Variants in WNK4 observed in about 807,000 individuals in gnomAD.
The protein encoded by WNK4 is WNK lysine deficient protein kinase 4, also known as serine/threonine-protein kinase WNK4.
Under a neutral mutation model 116.2 loss-of-function variants are expected in WNK4, and 94 were observed. That is an observed-to-expected ratio of 0.81 (90% CI 0.68 to 0.96). The LOEUF (loss-of-function observed/expected upper bound fraction) is 0.96. Ranked by LOEUF, WNK4 falls within the 40% of genes least tolerant of loss-of-function variation. The pLI is 0.00. For synonymous variants in WNK4, 655 were observed against 672.7 expected (o/e 0.97, Z 0.41); for missense variants, 1,542 against 1,650.6 (o/e 0.93, Z 1.14).
chr17:42,785,572 T>G (rs1597896888), intron 6 of WNK4, 90 bp downstream of exon 6: 5 of 1,381,876 alleles, frequency 3.6e-6, no homozygotes, highest in Non-Finnish European at 5.0e-6. Context: ...GCAGGAGGGG[T>G]GGCAGCGATG....
In WNK4 at chr17:42,782,264, G is replaced by C. The variant is rs2054492393; in HGVS notation, c.619-494G>C. On this transcript the variant is annotated intron_variant, in intron 1 of 18. Transcript: ENST00000246914. The surrounding 1 kb of genome is among the most constrained non-coding windows in gnomAD (Gnocchi z 4.2). ...GGGGTGGGCAGCCTCCTGGCGCCTA[G>C]TCCTGGATCTTTTCTTTCCTTCTCA... 1.3e-5 allele frequency among the ~76,000 whole-genome samples: 2 copies of C among 152,338 alleles called. No individual in the cohort carries two copies. Among genetic ancestry groups the C allele is most frequent in the Non-Finnish European group, 2.9e-5 (2 of 68,020 alleles).
At chr17:42,788,464 A>G in intron 10 of WNK4, 57 bp downstream of exon 10, 1 of 1,565,876 alleles carries the variant, frequency 6.4e-7, no homozygotes, top group African/African-American at 1.4e-5. Context: ...GGGAAGTGTC[A>G]GGGGGAGGCG....
chr17:42,784,190 T>A lies in WNK4; in HGVS notation c.1012+33T>A, dbSNP rs775070496. 1 of 1,602,478 alleles carries A rather than the reference T, an allele frequency of 6.2e-7. No individual in the cohort carries two copies. The highest frequency in any genetic ancestry group is 1.1e-5 in the South Asian group (1 of 91,064). ...TCTCCAGGAGGGTCCATGCCATTCCTTCCTCCCCCACCTCAGAAGAGAACC... is the reference window on the plus strand; with the variant it reads ...TCTCCAGGAGGGTCCATGCCATTCCATCCTCCCCCACCTCAGAAGAGAACC... On this transcript the variant is annotated intron_variant, in intron 3 of 18. Transcript: ENST00000246914. The surrounding 1 kb of genome is among the most constrained non-coding windows in gnomAD (Gnocchi z 4.4).
chr17:42,795,053 C>T lies in WNK4; in HGVS notation c.2632C>T (p.Gln878Ter). The change falls in exon 14 of 19, where the codon CAG becomes TAG. Residue 878 changes from glutamine to a stop codon, truncating the protein, a stop_gained. Transcript: ENST00000246914. LOFTEE classifies it high-confidence loss of function. ...ACCCGAGTTTCCGGTCCCACTCTCTCAGTGTCCCTGGAGTTCTCTCCCCAC... is the reference window on the plus strand; with the variant it reads ...ACCCGAGTTTCCGGTCCCACTCTCTTAGTGTCCCTGGAGTTCTCTCCCCAC... ...STPEFPVPLS[Q>*]CPWSSLPTTS... is the part of the protein sequence containing the mutation. 1.9e-6 allele frequency: 3 copies of T among 1,614,020 alleles called. No homozygotes were observed. Among genetic ancestry groups the T allele is most frequent in the Non-Finnish European group, 2.5e-6 (3 of 1,179,996 alleles).
In WNK4 at chr17:42,787,525, G is replaced by C; in HGVS notation, c.1724G>C (p.Ser575Thr). ...QHQPFLFRHA[S>T]YSSTTSDCET... is the part of the protein sequence containing the mutation. ...CAGCCCTTCCTTTTCCGCCACGCCAGCTACTCATCTACCACTTGTAAGTCA... is the reference window on the plus strand; with the variant it reads ...CAGCCCTTCCTTTTCCGCCACGCCACCTACTCATCTACCACTTGTAAGTCA... Residue 575 changes from serine (S) to threonine (T), a missense_variant, in exon 7 of 19, where the codon AGC becomes ACC. By Grantham distance (58) the Ser-to-Thr change is moderately conservative. Around this residue, in one of 7 missense-constraint regions of WNK4, gnomAD observed 808 missense variants for 873.6 expected, o/e 0.92. Coordinates refer to ENST00000246914, the MANE Select transcript of WNK4 (RefSeq NM_032387.5). The C allele has an allele frequency of 6.2e-7, 1 of 1,612,224 alleles. No individual in the cohort carries two copies. The highest frequency in any genetic ancestry group is 8.5e-7 in the Non-Finnish European group (1 of 1,179,866).
At position 42,793,622 on chromosome 17, in the gene WNK4, C is replaced by A; in HGVS notation, c.2188C>A (p.Arg730=). Residue 730 remains arginine, a synonymous_variant, in exon 12 of 19, where the codon CGA becomes AGA. Coordinates refer to ENST00000246914, the MANE Select transcript of WNK4 (RefSeq NM_032387.5). The part of the protein sequence containing the change: ...VYNEFILPSE[R]DGFLRRIREI... ...TAACGAGTTCATTCTGCCTTCGGAG[C>A]GAGATGGATTTCTCAGACGGATTCG... 1.2e-6 allele frequency: 2 copies of A among 1,614,018 alleles called. No individual in the cohort carries two copies. Among genetic ancestry groups the A allele is most frequent in the Non-Finnish European group, 8.5e-7 (1 of 1,179,994 alleles).
At position 42,795,850 on chromosome 17, in the gene WNK4, G is replaced by T. The variant is rs1419248917; in HGVS notation, c.3248G>T (p.Gly1083Val). 1.2e-6 allele frequency: 2 copies of T among 1,613,658 alleles called. No homozygotes were observed. The highest frequency in any genetic ancestry group is 2.2e-5 in the South Asian group (2 of 91,080). Residue 1083 changes from glycine (G) to valine (V), a missense_variant, in exon 16 of 19, where the codon GGA (glycine) becomes GTA (valine). Gly to Val is a moderately radical substitution (Grantham distance 109). Around this residue, in one of 7 missense-constraint regions of WNK4, gnomAD observed 292 missense variants for 290.1 expected, o/e 1.01. Transcript: ENST00000246914. ...SDRAAEGLGA[G>V]VEEEGDDGKE... Reference sequence around the variant, plus strand: ...CGTGCAGCTGAGGGTCTGGGGGCTGGAGTTGAGGAGGAAGGAGATGATGGG... The same window carrying T: ...CGTGCAGCTGAGGGTCTGGGGGCTGTAGTTGAGGAGGAAGGAGATGATGGG...
In WNK4 at chr17:42,783,986, A is replaced by G; in HGVS notation, c.841A>G (p.Ser281Gly). Reference sequence around the variant, plus strand: ...GAAGCCGCGGGTCCTTCAGCGCTGGAGCCGCCAAATCCTGCGGGGACTTCA... The same window carrying G: ...GAAGCCGCGGGTCCTTCAGCGCTGGGGCCGCCAAATCCTGCGGGGACTTCA... ...EMKPRVLQRW[S>G]RQILRGLHFL... The change falls in exon 3 of 19, where the codon AGC (serine) becomes GGC (glycine). Residue 281 changes from serine (S) to glycine (G), a missense_variant. Ser to Gly is a moderately conservative substitution (Grantham distance 56). Around this residue, in one of 7 missense-constraint regions of WNK4, gnomAD observed 808 missense variants for 873.6 expected, o/e 0.92. Transcript: ENST00000246914. The G allele has an allele frequency of 6.2e-7, 1 of 1,613,968 alleles. No individual in the cohort carries two copies. Among genetic ancestry groups the G allele is most frequent in the Non-Finnish European group, 8.5e-7 (1 of 1,180,008 alleles).
At position 42,781,187 on chromosome 17, in the gene WNK4, G is replaced by A; in HGVS notation, c.489G>A (p.Gln163=). The change falls in exon 1 of 19, where the codon CAG becomes CAA. Residue 163 remains glutamine, a synonymous_variant. Transcript: ENST00000246914. The stretch of plus-strand genomic sequence containing the variant: ...AAGAAAAGGAGGACATGGAGACCCA[G>A]GCTGTGGCAACGTCCCCCGATGGCC... ...EQEEKEDMET[Q]AVATSPDGRY... 6.2e-7 allele frequency: 1 copy of A among 1,614,202 alleles called. No homozygotes were observed. The highest frequency in any genetic ancestry group is 8.5e-7 in the Non-Finnish European group (1 of 1,180,040).
At chr17:42,789,826 G>T (rs1163669820) in intron 11 of WNK4, among the ~76,000 whole-genome samples, 1 of 151,820 alleles carries the variant, frequency 6.6e-6, no homozygotes, top group Admixed American at 6.6e-5. Flanking sequence ...GTAATATAAT[G>T]AGACCCTATC....
chr17:42,790,092 G>C (rs78450370), intron 11 of WNK4, among the ~76,000 whole-genome samples: 3,085 of 152,262 alleles, frequency 0.02, 109 homozygotes, highest in African/African-American at 0.07. Flanking sequence ...GATGTGGAAG[G>C]GGGAAGGGAA....
At position 42,796,251 on chromosome 17, in the gene WNK4, G is replaced by T; in HGVS notation, c.3560G>T (p.Arg1187Leu). ...GCTGCTATGCTGTCCAGCCGCCAGC[G>T]CCGCCTCTCCAAGGGCAGCTTCCCC... ...APAAMLSSRQ[R>L]RLSKGSFPTS... is the part of the protein sequence containing the mutation. Residue 1187 changes from arginine to leucine, a missense_variant, in exon 17 of 19, where the codon CGC becomes CTC. Coordinates refer to ENST00000246914, the MANE Select transcript of WNK4 (RefSeq NM_032387.5). The T allele has an allele frequency of 6.2e-7, 1 of 1,611,286 alleles. No individual in the cohort carries two copies. Among genetic ancestry groups the T allele is most frequent in the South Asian group, 1.1e-5 (1 of 90,864 alleles).
intron 6 of WNK4, 145 bp downstream of exon 6, chr17:42,785,627 C>A: frequency 1.9e-6 from 2 of 1,058,296 alleles, no homozygotes; most frequent in Non-Finnish European, 1.4e-6. Context: ...GCAGCGTCTC[C>A]CTACCTCTCC....
intron 12 of WNK4, 110 bp downstream of exon 12, chr17:42,793,839 A>G (rs2054631460): frequency 7.2e-7 from 1 of 1,386,078 alleles, no homozygotes; most frequent in Non-Finnish European, 9.9e-7. Context: ...CATCTCTGGG[A>G]CCCTAAAACA....
chr17:42,796,826 A>C lies in WNK4; in HGVS notation c.*138A>C. The C allele has an allele frequency of 6.4e-7, 1 of 1,569,962 alleles. No homozygotes were observed. Among genetic ancestry groups the C allele is most frequent in the Non-Finnish European group, 8.7e-7 (1 of 1,143,774 alleles). Reference sequence around the variant, plus strand: ...TGAAGGGGTAGAAGGCCAGGGGGGCATGGAGAGTGCAGCTCCATTATAGTG... The same window carrying C: ...TGAAGGGGTAGAAGGCCAGGGGGGCCTGGAGAGTGCAGCTCCATTATAGTG... On this transcript the variant is annotated 3_prime_UTR_variant, in exon 19 of 19. Coordinates refer to ENST00000246914, the MANE Select transcript of WNK4 (RefSeq NM_032387.5).
In WNK4 at chr17:42,782,278, C is replaced by A. The variant is rs568264483; in HGVS notation, c.619-480C>A. 1.3e-5 allele frequency among the ~76,000 whole-genome samples: 2 copies of A among 152,348 alleles called. No individual in the cohort carries two copies. The highest frequency in any genetic ancestry group is 4.8e-5 in the African/African-American group (2 of 41,582). On this transcript the variant is annotated intron_variant, in intron 1 of 18. Coordinates refer to ENST00000246914, the MANE Select transcript of WNK4 (RefSeq NM_032387.5). The surrounding 1 kb of genome is among the most constrained non-coding windows in gnomAD (Gnocchi z 4.2). ...CCTGGCGCCTAGTCCTGGATCTTTT[C>A]TTTCCTTCTCAGTACCTCCCTCCAT...
In WNK4 at chr17:42,784,466, G is replaced by C; in HGVS notation, c.1057G>C (p.Asp353His). 2 of 1,613,928 alleles carry C rather than the reference G, an allele frequency of 1.2e-6. No individual in the cohort carries two copies. Among genetic ancestry groups the C allele is most frequent in the Non-Finnish European group, 1.7e-6 (2 of 1,179,956 alleles). ...CCCCGAGATGTACGAGGAAAAGTAC[G>C]ATGAGGCCGTGGACGTGTACGCGTT... Reference protein sequence around the residue: ...MAPEMYEEKYDEAVDVYAFGM... With the variant: ...MAPEMYEEKYHEAVDVYAFGM... Residue 353 changes from aspartate to histidine, a missense_variant, in exon 4 of 19, where the codon GAT becomes CAT. This residue lies in a region of WNK4 where 808 missense variants were observed against 873.6 expected (regional missense o/e 0.92). Coordinates refer to ENST00000246914, the MANE Select transcript of WNK4 (RefSeq NM_032387.5). The surrounding 1 kb of genome is among the most constrained non-coding windows in gnomAD (Gnocchi z 4.4).
At chr17:42,790,347 G>A (rs761354008) in intron 11 of WNK4, among the ~76,000 whole-genome samples, 60 of 152,208 alleles carry the variant, frequency 3.9e-4, no homozygotes, top group Middle Eastern at 6.8e-3. Context: ...GCCACCAAAG[G>A]AGAGTAGGAG....
Position 42,793,668 on chromosome 17 carries a change from A to G in WNK4, c.2234A>G (p.Glu745Gly). ...RRIREIIQRVETLLKRDTGPM... is the reference protein window; with the variant it reads ...RRIREIIQRVGTLLKRDTGPM... Reference sequence around the variant, plus strand: ...ATTCGGGAGATTATCCAGCGAGTGGAGACCCTGTTGAAGAGAGACACTGGC... The same window carrying G: ...ATTCGGGAGATTATCCAGCGAGTGGGGACCCTGTTGAAGAGAGACACTGGC... The change falls in exon 12 of 19, where the codon GAG becomes GGG. Residue 745 changes from glutamate (E) to glycine (G), a missense_variant. This residue lies in a region of WNK4 where 808 missense variants were observed against 873.6 expected (regional missense o/e 0.92). Transcript: ENST00000246914. 6.2e-7 allele frequency: 1 copy of G among 1,614,080 alleles called. No homozygotes were observed.
Sources: allele counts gnomAD v4.1 joint callset (sites outside exome capture counted in the v4.1 genomes callset), GRCh38; gene constraint gnomAD v4.1.1; regional missense constraint gnomAD v4.1.1; non-coding constraint Gnocchi (gnomAD v3.1); transcripts MANE v1.5; gene names NCBI Gene and HGNC (gene_info 2026-07-23, HGNC 2026-07-21).